SH3RF3: variants seen among roughly 807,000 people sequenced by gnomAD.
SH3RF3 encodes E3 ubiquitin-protein ligase SH3RF3.
SH3RF3 carries 29 observed loss-of-function variants against 66.3 expected under a neutral mutation model. The ratio of observed to expected loss-of-function variants is 0.44; its 90% CI spans 0.33 to 0.60. The LOEUF is 0.60. SH3RF3 is among the 20% of genes least tolerant of loss of function. The pLI is 0.04. For missense variants in SH3RF3, 1,194 were observed against 1,190.9 expected (o/e 1.00, Z -0.04); for synonymous variants, 583 against 532.0 (o/e 1.10, Z -1.32).
In SH3RF3 at chr2:109,210,806, T is replaced by C. The variant is rs1339122933; in HGVS notation, c.573+80693T>C. Among the ~76,000 whole-genome samples the C allele has an allele frequency of 5.9e-5, 9 of 152,348 alleles. No homozygotes were observed. The East Asian group carries it at 1.7e-3, about 29-fold the overall frequency. On this transcript the variant is annotated intron_variant, in intron 1 of 9. Coordinates refer to ENST00000309415, the MANE Select transcript of SH3RF3 (RefSeq NM_001099289.3). ...GCAAGCACGACCTATTTCTAAAGCATGAGTCACTACAAAATGTAGCTTTTT... is the reference window on the plus strand; with the variant it reads ...GCAAGCACGACCTATTTCTAAAGCACGAGTCACTACAAAATGTAGCTTTTT...
intron 1 of SH3RF3, among the ~76,000 whole-genome samples, chr2:109,206,954 T>C (rs1480768867): frequency 2.0e-5 from 3 of 152,234 alleles, no homozygotes; most frequent in East Asian, 1.9e-4. Context: ...TGGCTTGTTA[T>C]GGTTGCCTGG....
intron 1 of SH3RF3, among the ~76,000 whole-genome samples, chr2:109,275,275 C>T (rs1680727763): frequency 6.6e-6 from 1 of 152,100 alleles, no homozygotes; most frequent in Non-Finnish European, 1.5e-5. Context: ...CTCTTGTGAT[C>T]CAGAGAAGTA....
At chr2:109,203,636 C>G (rs1255771679) in intron 1 of SH3RF3, among the ~76,000 whole-genome samples, 1 of 152,148 alleles carries the variant, frequency 6.6e-6, no homozygotes, top group Non-Finnish European at 1.5e-5. Context: ...GTGGCCCTGT[C>G]TCTGTGCACC....
At chr2:109,361,302 C>G (rs1683046709) in intron 2 of SH3RF3, among the ~76,000 whole-genome samples, 1 of 152,086 alleles carries the variant, frequency 6.6e-6, no homozygotes, top group Admixed American at 6.6e-5. Context: ...ATGGCTTTGT[C>G]TGCTTTGGTA....
At chr2:109,459,556 T>G (rs1471986374) in intron 8 of SH3RF3, among the ~76,000 whole-genome samples, 1 of 152,180 alleles carries the variant, frequency 6.6e-6, no homozygotes, top group East Asian at 1.9e-4. Flanking sequence ...AGGGATCTCC[T>G]GTATCCCAGA....
chr2:109,251,361 G>T, intron 1 of SH3RF3: 1 of 604,776 alleles, frequency 1.7e-6, no homozygotes, highest in Non-Finnish European at 3.1e-6. Context: ...CCTGCCGCGG[G>T]AGCATGAGGG....
intron 1 of SH3RF3, among the ~76,000 whole-genome samples, chr2:109,153,448 TA>T (rs1677267457): frequency 6.6e-6 from 1 of 152,162 alleles, no homozygotes; most frequent in Non-Finnish European, 1.5e-5. Context: ...GAGAAAGAAG[TA>T]ACGAAGGTAT....
chr2:109,157,670 G>A (rs1677380167), intron 1 of SH3RF3, among the ~76,000 whole-genome samples: 1 of 152,198 alleles, frequency 6.6e-6, no homozygotes, highest in Admixed American at 6.5e-5. Flanking sequence ...ATGTGATTCA[G>A]TTGGTTACTG....
At chr2:109,500,928 T>C (rs1679369566) in intron 9 of SH3RF3, among the ~76,000 whole-genome samples, 1 of 152,084 alleles carries the variant, frequency 6.6e-6, no homozygotes, top group Non-Finnish European at 1.5e-5. Flanking sequence ...CCAGCCTGGG[T>C]GGAAGAGCAA....
chr2:109,473,655 G>A (rs1573281589), intron 8 of SH3RF3, among the ~76,000 whole-genome samples: 1 of 152,248 alleles, frequency 6.6e-6, no homozygotes, highest in African/African-American at 2.4e-5. Context: ...GAGCATATGT[G>A]TCCTAGGTGG....
At chr2:109,401,758 C>G (rs1366953898) in intron 4 of SH3RF3, among the ~76,000 whole-genome samples, 1 of 152,182 alleles carries the variant, frequency 6.6e-6, no homozygotes, top group African/African-American at 2.4e-5. Context: ...CCTGCACCAG[C>G]CTCTCATGTT....
intron 5 of SH3RF3, among the ~76,000 whole-genome samples, chr2:109,425,047 A>G (rs989850812): frequency 1.3e-5 from 2 of 152,268 alleles, no homozygotes; most frequent in African/African-American, 4.8e-5. Context: ...CACGAATTAT[A>G]AGAAAGTGAA....
intron 4 of SH3RF3, among the ~76,000 whole-genome samples, chr2:109,407,429 A>T (rs149996096): frequency 6.6e-6 from 1 of 152,182 alleles, no homozygotes; most frequent in Non-Finnish European, 1.5e-5. Flanking sequence ...ATTTGTCTCT[A>T]TGCAGCTTCC....
intron 1 of SH3RF3, among the ~76,000 whole-genome samples, chr2:109,255,069 A>C (rs1448760158): frequency 2.0e-5 from 3 of 152,210 alleles, no homozygotes; most frequent in Non-Finnish European, 4.4e-5. Context: ...CCTAAGGCTA[A>C]AAGACACAAG....
At chr2:109,304,114 G>A (rs1835357) in intron 1 of SH3RF3, among the ~76,000 whole-genome samples, 45,282 of 148,166 alleles carry the variant, frequency 0.31, 8,233 homozygotes, top group African/African-American at 0.54. Context: ...AAAAAAAAAA[G>A]AAAGATCTAC....
intron 1 of SH3RF3, among the ~76,000 whole-genome samples, chr2:109,330,235 G>A (rs1346890755): frequency 6.6e-6 from 1 of 152,166 alleles, no homozygotes; most frequent in East Asian, 1.9e-4. Context: ...CAACTCTGTG[G>A]GTTGCAGAAA....
intron 1 of SH3RF3, among the ~76,000 whole-genome samples, chr2:109,191,467 G>A (rs979141629): frequency 6.6e-6 from 1 of 152,210 alleles, no homozygotes. Context: ...CGGCCAGGCT[G>A]TATTGTTGAG....
chr2:109,247,418 G>A (rs115059479), intron 1 of SH3RF3, among the ~76,000 whole-genome samples: 2,343 of 152,340 alleles, frequency 0.015, 48 homozygotes, highest in African/African-American at 0.053. Flanking sequence ...GAGCTTCCCA[G>A]ATGATCCCTG....
intron 1 of SH3RF3, among the ~76,000 whole-genome samples, chr2:109,170,693 G>A (rs944951616): frequency 1.3e-5 from 2 of 152,148 alleles, no homozygotes; most frequent in African/African-American, 4.8e-5. Context: ...CACAGTCTGA[G>A]GTTGTTATTT....
Sources: gnomAD v4.1 joint callset for allele counts (sites outside exome capture counted in the v4.1 genomes callset) on GRCh38, gnomAD v4.1.1 for gene constraint, MANE v1.5 for transcripts, NCBI Gene and HGNC (gene_info 2026-07-23, HGNC 2026-07-21) for gene names.